Variants in GRAMD1C observed in about 807,000 individuals in gnomAD.
GRAMD1C encodes GRAM domain containing 1C.
GRAMD1C carries 89 observed loss-of-function variants against 97.8 expected under a neutral mutation model. The observed-to-expected ratio is 0.91, with a 90% confidence interval of 0.77 to 1.09. GRAMD1C has a LOEUF of 1.09. Ranked by LOEUF, GRAMD1C falls within the 50% of genes least tolerant of loss-of-function variation. The pLI, the probability that GRAMD1C is intolerant of heterozygous loss-of-function variation, is 0.00. For synonymous variants in GRAMD1C, 256 were observed against 267.0 expected (o/e 0.96, Z 0.40); for missense variants, 740 against 766.4 (o/e 0.97, Z 0.41).
intron 9 of GRAMD1C, among the ~76,000 whole-genome samples, chr3:113,911,666 C>T (rs1382455469): frequency 2.1e-5 from 3 of 145,096 alleles, no homozygotes; most frequent in Non-Finnish European, 4.5e-5. Flanking sequence ...TCTTTCTTTT[C>T]CTTTCTCTCT....
At chr3:113,856,301 A>G (rs772962985) in intron 2 of GRAMD1C, among the ~76,000 whole-genome samples, 2 of 152,184 alleles carry the variant, frequency 1.3e-5, no homozygotes, top group Non-Finnish European at 2.9e-5. Context: ...TTGAAGAAAT[A>G]ATAGGGATCC....
intron 6 of GRAMD1C, among the ~76,000 whole-genome samples, chr3:113,887,085 G>GTTTTTTTTTTTTTTT (rs531763397): frequency 1.4e-5 from 1 of 71,456 alleles, no homozygotes; most frequent in African/African-American, 4.5e-5. Flanking sequence ...TGGCCTTTTT[G>GTTTTTTTTTTTTTTT]TTTTTTTTTT....
At chr3:113,831,903 C>G (rs1447827070) in intron 1 of GRAMD1C, among the ~76,000 whole-genome samples, 2 of 152,084 alleles carry the variant, frequency 1.3e-5, no homozygotes, top group African/African-American at 4.8e-5. Context: ...GTTTTGTTTG[C>G]CTAATGCTCA....
intron 2 of GRAMD1C, among the ~76,000 whole-genome samples, chr3:113,851,522 CTT>C (rs35669503): frequency 3.8e-4 from 51 of 133,560 alleles, no homozygotes; most frequent in Admixed American, 4.5e-4. Context: ...TTCTTTCTTT[CTT>C]TTTTTTTTTT....
intron 6 of GRAMD1C, among the ~76,000 whole-genome samples, chr3:113,895,279 TG>T (rs1293073741): frequency 6.6e-6 from 1 of 152,216 alleles, no homozygotes; most frequent in African/African-American, 2.4e-5. Flanking sequence ...AAAAGATTTC[TG>T]ATCACCAGAA....
intron 9 of GRAMD1C, 27 bp from the exon 10 acceptor site, chr3:113,915,673 CT>C (rs772438904): frequency 1.1e-5 from 17 of 1,587,340 alleles, no homozygotes; most frequent in Admixed American, 1.8e-5. Flanking sequence ...GATTTCTTCT[CT>C]TTTGGTTTGT....
intron 4 of GRAMD1C, chr3:113,875,799 A>G (rs1935006674): frequency 2.4e-6 from 1 of 410,728 alleles, no homozygotes; most frequent in Non-Finnish European, 4.3e-6. Context: ...TAGTTAGAGA[A>G]AGATATTTTA....
At chr3:113,866,544 G>T (rs766914311) in intron 2 of GRAMD1C, among the ~76,000 whole-genome samples, 12 of 151,954 alleles carry the variant, frequency 7.9e-5, no homozygotes, top group Non-Finnish European at 1.6e-4. Context: ...AATATGGTTA[G>T]ATTTACAAAT....
At chr3:113,923,391 T>C (rs1486585849) in intron 10 of GRAMD1C, among the ~76,000 whole-genome samples, 2 of 152,190 alleles carry the variant, frequency 1.3e-5, no homozygotes, top group African/African-American at 2.4e-5. Context: ...CAGTATGATG[T>C]TGGCTGTGCG....
At chr3:113,901,903 G>A (rs1008960628) in intron 7 of GRAMD1C, among the ~76,000 whole-genome samples, 2 of 152,210 alleles carry the variant, frequency 1.3e-5, no homozygotes, top group African/African-American at 4.8e-5. Flanking sequence ...GTGAAATGGA[G>A]TCTAGAACTG....
intron 6 of GRAMD1C, among the ~76,000 whole-genome samples, chr3:113,892,538 A>G (rs1935774518): frequency 6.6e-6 from 1 of 152,190 alleles, no homozygotes; most frequent in Admixed American, 6.5e-5. Flanking sequence ...AGGAGAGTTT[A>G]TTTCTAATAT....
At chr3:113,839,841 G>A (rs963800357) in intron 1 of GRAMD1C, among the ~76,000 whole-genome samples, 7 of 152,088 alleles carry the variant, frequency 4.6e-5, no homozygotes, top group South Asian at 2.1e-4. Context: ...GATTGACTTT[G>A]CTAAGGACCA....
Position 113,934,677 on chromosome 3 carries a change from C to T in GRAMD1C, c.1456+142C>T. The stretch of plus-strand genomic sequence containing the variant: ...CATGAAAGTGGTTCCCACTGTCCCA[C>T]TTTTTCTGCCACTTAGGGAATTTCA... On this transcript the variant is annotated intron_variant, in intron 13 of 17. Transcript: ENST00000358160. 3 of 528,828 alleles carry T rather than the reference C, an allele frequency of 5.7e-6. 1 individual carries two copies. The South Asian group carries it at 9.7e-5, about 17-fold the overall frequency. The allele number at this position is 528,828 out of a possible 1,614,324, so 32.8% of individuals were successfully genotyped here.
intron 10 of GRAMD1C, among the ~76,000 whole-genome samples, chr3:113,919,008 C>T (rs1375783565): frequency 6.6e-6 from 1 of 152,090 alleles, no homozygotes; most frequent in Non-Finnish European, 1.5e-5. Context: ...TTCTTGAGAT[C>T]GAGTTTCAAA....
intron 6 of GRAMD1C, among the ~76,000 whole-genome samples, chr3:113,884,194 G>C (rs909154667): frequency 1.3e-5 from 2 of 152,134 alleles, no homozygotes; most frequent in African/African-American, 2.4e-5. Flanking sequence ...CTCCAGAATA[G>C]ACGATATGCT....
chr3:113,940,094 A>G, intron 16 of GRAMD1C, 98 bp downstream of exon 16: 1 of 877,240 alleles, frequency 1.1e-6, no homozygotes, highest in Non-Finnish European at 1.9e-6. Flanking sequence ...GTGGTCTGCT[A>G]ACTATCCTGT....
intron 1 of GRAMD1C, among the ~76,000 whole-genome samples, chr3:113,843,680 G>T (rs1164342393): frequency 6.6e-6 from 1 of 151,768 alleles, no homozygotes; most frequent in Non-Finnish European, 1.5e-5. Context: ...CATTATATCG[G>T]CCAGGCTGGT....
At chr3:113,885,958 T>C (rs1266736725) in intron 6 of GRAMD1C, 2 of 1,608,872 alleles carry the variant, frequency 1.2e-6, no homozygotes, top group African/African-American at 1.3e-5. Context: ...CTCCCGATGC[T>C]GGATGCCCTC....
intron 13 of GRAMD1C, 51 bp downstream of exon 13, chr3:113,934,586 C>T: frequency 2.5e-6 from 2 of 785,008 alleles, no homozygotes; most frequent in Non-Finnish European, 4.3e-6. Flanking sequence ...GATTTATTAA[C>T]AAAATGGATT....
Sources: gnomAD v4.1 joint callset for allele counts (sites outside exome capture counted in the v4.1 genomes callset) on GRCh38, gnomAD v4.1.1 for gene constraint, MANE v1.5 for transcripts, NCBI Gene and HGNC (gene_info 2026-07-23, HGNC 2026-07-21) for gene names.